Variants in CEP85L observed in about 807,000 individuals in gnomAD.
The protein encoded by CEP85L is centrosomal protein 85L.
In CEP85L, 60 loss-of-function variants were observed where a neutral mutation model predicts 100.3. The ratio of observed to expected loss-of-function variants is 0.60; its 90% CI spans 0.49 to 0.74. The LOEUF is 0.74. Ranked by LOEUF, CEP85L falls within the 30% of genes least tolerant of loss-of-function variation. CEP85L has a pLI of 0.00. For missense variants in CEP85L, 973 were observed against 936.2 expected (o/e 1.04, Z -0.51); for synonymous variants, 319 against 322.7 (o/e 0.99, Z 0.12).
chr6:118,586,339 A>G (rs1436708850), intron 2 of CEP85L, among the ~76,000 whole-genome samples: 1 of 152,182 alleles, frequency 6.6e-6, no homozygotes, highest in Non-Finnish European at 1.5e-5. Flanking sequence ...GAAACCTCTG[A>G]GCTAGTTAAG....
intron 2 of CEP85L, among the ~76,000 whole-genome samples, chr6:118,593,805 C>T (rs965244912): frequency 4.6e-5 from 7 of 151,916 alleles, no homozygotes; most frequent in African/African-American, 1.5e-4. Context: ...AGCAAGTGGT[C>T]TCCTACCTTC....
At chr6:118,529,832 C>T (rs375491126) in intron 3 of CEP85L, among the ~76,000 whole-genome samples, 13 of 152,004 alleles carry the variant, frequency 8.6e-5, no homozygotes, top group Admixed American at 2.0e-4. Context: ...GAAAGCCAAG[C>T]GCAATTGCCT....
chr6:118,659,468 T>A (rs1775902750), intron 1 of CEP85L, among the ~76,000 whole-genome samples: 1 of 152,224 alleles, frequency 6.6e-6, no homozygotes, highest in Non-Finnish European at 1.5e-5. Flanking sequence ...TTGGGCAAGT[T>A]ATTTATACTG....
chr6:118,491,320 C>T (rs1248737298), intron 6 of CEP85L: 2 of 276,498 alleles, frequency 7.2e-6, no homozygotes, highest in African/African-American at 4.6e-5. Flanking sequence ...AGTTTAATAA[C>T]TTAAGTTGCA....
chr6:118,566,042 G>A lies in CEP85L; in HGVS notation c.507C>T (p.Gly169=). The change falls in exon 3 of 13, where the codon GGC becomes GGT. Residue 169 remains glycine (G), a synonymous_variant. Transcript: ENST00000368491. ...LSKLTAPDNC[G]QGGTVCREES... is the part of the protein sequence containing the mutation. ...CTTCTCTGCATACAGTGCCACCCTGGCCACAGTTATCCGGGGCAGTGAGTT... is the reference window on the plus strand; with the variant it reads ...CTTCTCTGCATACAGTGCCACCCTGACCACAGTTATCCGGGGCAGTGAGTT... The A allele has an allele frequency of 6.2e-7, 1 of 1,614,134 alleles. No homozygotes were observed. The highest frequency in any genetic ancestry group is 8.5e-7 in the Non-Finnish European group (1 of 1,180,032).
intron 1 of CEP85L, among the ~76,000 whole-genome samples, chr6:118,633,215 T>TC: frequency 6.6e-6 from 1 of 151,960 alleles, no homozygotes; most frequent in East Asian, 1.9e-4. Flanking sequence ...TGTCTTTTTT[T>TC]TTTTTTGAGA....
chr6:118,564,349 C>T (rs570158648), intron 3 of CEP85L, among the ~76,000 whole-genome samples: 1 of 152,292 alleles, frequency 6.6e-6, no homozygotes, highest in African/African-American at 2.4e-5. Flanking sequence ...CTCTGTTTTC[C>T]TATAATGACA....
At chr6:118,501,749 C>T (rs1170938025) in intron 5 of CEP85L, 5 of 875,956 alleles carry the variant, frequency 5.7e-6, no homozygotes, top group Middle Eastern at 3.0e-4. Flanking sequence ...CTTGAAAAAA[C>T]TTGAAAGCAG....
chr6:118,634,049 A>G (rs1231529128), intron 1 of CEP85L, among the ~76,000 whole-genome samples: 1 of 152,258 alleles, frequency 6.6e-6, no homozygotes, highest in Non-Finnish European at 1.5e-5. Context: ...CAATGTCCCC[A>G]TCTGTGTTTT....
At chr6:118,645,528 G>A (rs1350380497) in intron 1 of CEP85L, among the ~76,000 whole-genome samples, 1 of 152,130 alleles carries the variant, frequency 6.6e-6, no homozygotes, top group Non-Finnish European at 1.5e-5. Flanking sequence ...AAATTAGCCA[G>A]CAGTCAGTGC....
chr6:118,491,580 A>G, intron 6 of CEP85L, 106 bp downstream of exon 6: 1 of 1,479,302 alleles, frequency 6.8e-7, no homozygotes, highest in Admixed American at 2.6e-5. Flanking sequence ...CTCCACATAA[A>G]TGTATACATA....
chr6:118,536,020 G>A (rs1158263835), intron 3 of CEP85L, among the ~76,000 whole-genome samples: 4 of 151,998 alleles, frequency 2.6e-5, no homozygotes, highest in African/African-American at 9.7e-5. Context: ...TTCTAAAATT[G>A]TAGGTAAATG....
chr6:118,681,418 A>T (rs17349301), intron 1 of CEP85L, among the ~76,000 whole-genome samples: 33,512 of 152,066 alleles, frequency 0.22, 4,802 homozygotes, highest in Non-Finnish European at 0.32. Flanking sequence ...ATTAGCAGAG[A>T]TCTGGAATGA....
chr6:118,556,737 ATGTC>A (rs1238075460), intron 3 of CEP85L, among the ~76,000 whole-genome samples: 1 of 152,156 alleles, frequency 6.6e-6, no homozygotes, highest in Admixed American at 6.5e-5. Context: ...AACAGTCACT[ATGTC>A]TGGCAGTTAA....
intron 5 of CEP85L, among the ~76,000 whole-genome samples, chr6:118,496,413 T>C (rs1774929481): frequency 6.7e-6 from 1 of 148,980 alleles, no homozygotes; most frequent in Non-Finnish European, 1.5e-5. Flanking sequence ...TGGAGTGCAA[T>C]GGCACGATCT....
Position 118,469,203 on chromosome 6 carries a change from T to C in CEP85L, c.2123A>G (p.Asp708Gly). 6.2e-7 allele frequency: 1 copy of C among 1,614,066 alleles called. No homozygotes were observed. Among genetic ancestry groups the C allele is most frequent in the Non-Finnish European group, 8.5e-7 (1 of 1,179,948 alleles). ...QTVLSKRPLF[D>G]LTVIDQLFKE... ...GAACAGCTGATCAATCACAGTCAAA[T>C]CAAATAGTGGCCGTTTGGAAAGAAC... Residue 708 changes from aspartate (D) to glycine (G), a missense_variant, in exon 12 of 13, where the codon GAT becomes GGT. Coordinates refer to ENST00000368491, the MANE Select transcript of CEP85L (RefSeq NM_001042475.3).
At chr6:118,673,939 A>G (rs980654767) in intron 1 of CEP85L, among the ~76,000 whole-genome samples, 1 of 152,252 alleles carries the variant, frequency 6.6e-6, no homozygotes, top group African/African-American at 2.4e-5. Flanking sequence ...TAAAAAATCT[A>G]GAAAGATGCT....
At chr6:118,553,274 T>A (rs1349622994) in intron 3 of CEP85L, among the ~76,000 whole-genome samples, 2 of 147,156 alleles carry the variant, frequency 1.4e-5, no homozygotes, top group Non-Finnish European at 3.0e-5. Flanking sequence ...AAGAGAATGA[T>A]AAACATCTGA....
chr6:118,644,721 C>T (rs1053399267), intron 1 of CEP85L, among the ~76,000 whole-genome samples: 1 of 152,134 alleles, frequency 6.6e-6, no homozygotes, highest in African/African-American at 2.4e-5. Context: ...ATCAGTAAAT[C>T]CTTAAGATTT....
Sources: allele counts gnomAD v4.1 joint callset (sites outside exome capture counted in the v4.1 genomes callset), GRCh38; gene constraint gnomAD v4.1.1; transcripts MANE v1.5; gene names NCBI Gene and HGNC (gene_info 2026-07-23, HGNC 2026-07-21).